Variants in CALCRL observed in about 807,000 individuals in gnomAD.
CALCRL encodes the protein calcitonin receptor like receptor, also known as calcitonin gene-related peptide type 1 receptor.
CALCRL carries 27 observed loss-of-function variants against 60.4 expected under a neutral mutation model. The observed-to-expected ratio is 0.45, with a 90% CI of 0.33 to 0.62. CALCRL has a LOEUF of 0.62. Ranked by LOEUF, CALCRL falls within the 20% of genes least tolerant of loss-of-function variation. The probability of loss-of-function intolerance (pLI) is 0.03; values close to 1 mark genes in which losing one functional copy is unlikely to be tolerated. For missense variants in CALCRL, 424 were observed against 540.7 expected (o/e 0.78, Z 2.14); for synonymous variants, 190 against 182.6 (o/e 1.04, Z -0.33).
chr2:187,386,787 C>T (rs547072598), intron 3 of CALCRL, among the ~76,000 whole-genome samples: 61 of 152,184 alleles, frequency 4.0e-4, no homozygotes, highest in Admixed American at 1.4e-3. Flanking sequence ...GGGAGGGACC[C>T]AGTGGGAGAT....
chr2:187,352,049 A>G, intron 13 of CALCRL, 65 bp downstream of exon 13: 1 of 1,550,014 alleles, frequency 6.5e-7, no homozygotes, highest in Non-Finnish European at 8.9e-7. Flanking sequence ...TCAGGAGTAA[A>G]CCAAAGCTAT....
intron 1 of CALCRL, chr2:187,415,454 G>T (rs1029696013): frequency 4.0e-6 from 1 of 248,256 alleles, no homozygotes; most frequent in African/African-American, 2.3e-5. Context: ...AGACACAAAG[G>T]AATCAGAGGA....
intron 8 of CALCRL, among the ~76,000 whole-genome samples, chr2:187,370,301 T>A (rs1283097439): frequency 6.6e-6 from 1 of 152,158 alleles, no homozygotes; most frequent in Non-Finnish European, 1.5e-5. Context: ...AAAAATAAAC[T>A]GTCTATAATA....
At chr2:187,369,728 G>A (rs1207438972) in intron 8 of CALCRL, among the ~76,000 whole-genome samples, 1 of 152,150 alleles carries the variant, frequency 6.6e-6, no homozygotes, top group African/African-American at 2.4e-5. Context: ...ATTAAACAAT[G>A]TAATCCCAGA....
At chr2:187,396,718 GTA>G (rs1179816654) in intron 1 of CALCRL, among the ~76,000 whole-genome samples, 1 of 151,670 alleles carries the variant, frequency 6.6e-6, no homozygotes, top group Non-Finnish European at 1.5e-5. Context: ...CTTCTAGAAA[GTA>G]TTTTATTTTT....
chr2:187,425,212 C>T (rs910329141), intron 1 of CALCRL, among the ~76,000 whole-genome samples: 3 of 151,868 alleles, frequency 2.0e-5, no homozygotes, highest in African/African-American at 7.2e-5. Flanking sequence ...ATTTTTCTCA[C>T]ATTTTATGAC....
rs1686187806 is a variant in CALCRL at position 187,344,054 on chromosome 2, G to T, written c.*2130C>A. Reference sequence around the variant, plus strand: ...CTGTCAAGATGGTTGAGAGTTGACAGTTTGTCTAGAAGAAGGCTGATATAT... The same window carrying T: ...CTGTCAAGATGGTTGAGAGTTGACATTTTGTCTAGAAGAAGGCTGATATAT... On this transcript the variant is annotated 3_prime_UTR_variant, in exon 15 of 15. Transcript: ENST00000392370. 6.6e-6 allele frequency: 1 copy of T among 151,612 alleles called. No individual in the cohort carries two copies. Among genetic ancestry groups the T allele is most frequent in the African/African-American group, 2.4e-5 (1 of 41,392 alleles). 9.4% of individuals were successfully genotyped at this position (151,612 alleles called of 1,614,324 possible).
chr2:187,375,670 A>G (rs1286019459), intron 8 of CALCRL, among the ~76,000 whole-genome samples: 1 of 152,180 alleles, frequency 6.6e-6, no homozygotes, highest in African/African-American at 2.4e-5. Flanking sequence ...ACACGAGGAC[A>G]GTATTTGGGA....
At chr2:187,388,121 G>A (rs1159236542) in intron 1 of CALCRL, among the ~76,000 whole-genome samples, 1 of 150,992 alleles carries the variant, frequency 6.6e-6, no homozygotes, top group African/African-American at 2.4e-5. Context: ...TTTTCCTTAG[G>A]CATTTATAAG....
At chr2:187,397,375 A>G (rs1015221047) in intron 1 of CALCRL, among the ~76,000 whole-genome samples, 1 of 151,568 alleles carries the variant, frequency 6.6e-6, no homozygotes, top group East Asian at 1.9e-4. Flanking sequence ...ATAGGATATC[A>G]ATCTAGTTAA....
chr2:187,360,814 C>A, intron 9 of CALCRL, 63 bp from the exon 10 acceptor site: 1 of 1,448,372 alleles, frequency 6.9e-7, no homozygotes, highest in South Asian at 1.3e-5. Flanking sequence ...AAGCAATACT[C>A]TAGTTTAGCT....
At chr2:187,411,396 A>G (rs1689351463) in intron 1 of CALCRL, among the ~76,000 whole-genome samples, 1 of 152,124 alleles carries the variant, frequency 6.6e-6, no homozygotes, top group Non-Finnish European at 1.5e-5. Context: ...ACAGCCTCAC[A>G]CATTGCTATA....
chr2:187,372,904 ATT>A (rs1687595927), intron 8 of CALCRL, among the ~76,000 whole-genome samples: 1 of 151,950 alleles, frequency 6.6e-6, no homozygotes, highest in Non-Finnish European at 1.5e-5. Context: ...CAAATTCAAT[ATT>A]TTCTGAGGTG....
rs770764604 is a variant in CALCRL, at chr2:187,359,286, A to G, written c.782-14T>C. ...TCAGTGGAAATCCTGTAATAACAAAAAAAAAAGAAAATAAATAGGCATTTT... is the reference window on the plus strand; with the variant it reads ...TCAGTGGAAATCCTGTAATAACAAAGAAAAAAGAAAATAAATAGGCATTTT... On this transcript the variant is annotated splice_polypyrimidine_tract_variant and intron_variant, in intron 10 of 14. Coordinates refer to ENST00000392370, the MANE Select transcript of CALCRL (RefSeq NM_005795.6). The G allele has an allele frequency of 2.7e-6, 4 of 1,494,292 alleles. No individual in the cohort carries two copies. The highest frequency in any genetic ancestry group is 1.3e-5 in the South Asian group (1 of 74,994). 92.6% of individuals were successfully genotyped at this position (1,494,292 alleles called of 1,614,324 possible).
At chr2:187,418,608 G>A (rs1055561046) in intron 1 of CALCRL, among the ~76,000 whole-genome samples, 1 of 151,922 alleles carries the variant, frequency 6.6e-6, no homozygotes, top group East Asian at 1.9e-4. Flanking sequence ...TTCTGTTTTA[G>A]CATTTAAGAC....
intron 10 of CALCRL, among the ~76,000 whole-genome samples, chr2:187,360,292 CTTTAA>C (rs1686994024): frequency 6.6e-6 from 1 of 151,924 alleles, no homozygotes; most frequent in African/African-American, 2.4e-5. Context: ...AAGACTAAAT[CTTTAA>C]TTTATGATTC....
At chr2:187,389,950 A>G (rs908758336) in intron 1 of CALCRL, among the ~76,000 whole-genome samples, 1 of 152,160 alleles carries the variant, frequency 6.6e-6, no homozygotes, top group African/African-American at 2.4e-5. Flanking sequence ...TACCATATAC[A>G]TGAATGAGTA....
chr2:187,433,470 G>A (rs79708442), intron 1 of CALCRL, among the ~76,000 whole-genome samples: 6,145 of 151,960 alleles, frequency 0.04, 181 homozygotes, highest in South Asian at 0.12. Context: ...GAAAAATATC[G>A]GTTATCTGTG....
intron 1 of CALCRL, among the ~76,000 whole-genome samples, chr2:187,446,473 T>G (rs1264719065): frequency 6.6e-6 from 1 of 151,716 alleles, no homozygotes; most frequent in Non-Finnish European, 1.5e-5. Flanking sequence ...AATTATGGGT[T>G]TGGGACTAGC....
Sources: gnomAD v4.1 joint callset for allele counts (sites outside exome capture counted in the v4.1 genomes callset) on GRCh38, gnomAD v4.1.1 for gene constraint, MANE v1.5 for transcripts, NCBI Gene and HGNC (gene_info 2026-07-23, HGNC 2026-07-21) for gene names.